The following AHI1 variants were observed in gnomAD, a reference collection of about 807,000 sequenced individuals.
AHI1 encodes Abelson helper integration site 1.
Under a neutral mutation model 149.3 loss-of-function variants are expected in AHI1, and 123 were observed. The observed-to-expected ratio is 0.82, with a 90% CI of 0.71 to 0.96. The LOEUF (loss-of-function observed/expected upper bound fraction) is 0.96. Ranked by LOEUF, AHI1 falls within the 40% of genes least tolerant of loss-of-function variation. The probability of loss-of-function intolerance (pLI) is 0.00; values close to 1 mark genes in which losing one functional copy is unlikely to be tolerated. For missense variants in AHI1, 1,439 were observed against 1,422.7 expected (o/e 1.01, Z -0.18); for synonymous variants, 475 against 459.8 (o/e 1.03, Z -0.42).
At chr6:135,462,528 G>T (rs973756730) in intron 8 of AHI1, among the ~76,000 whole-genome samples, 5 of 150,932 alleles carry the variant, frequency 3.3e-5, no homozygotes, top group African/African-American at 9.9e-5. Context: ...AAACTCAATG[G>T]TTTAAAGAAG....
At chr6:135,488,753 C>A (rs1376446350) in intron 5 of AHI1, among the ~76,000 whole-genome samples, 1 of 152,116 alleles carries the variant, frequency 6.6e-6, no homozygotes, top group African/African-American at 2.4e-5. Flanking sequence ...TGCTCCATTT[C>A]TCATCTCAGC....
intron 23 of AHI1, among the ~76,000 whole-genome samples, chr6:135,392,067 C>T (rs906644797): frequency 6.6e-6 from 1 of 152,160 alleles, no homozygotes; most frequent in African/African-American, 2.4e-5. Flanking sequence ...TTTAGCTCTC[C>T]TATTCCTCTT....
At chr6:135,424,385 G>A (rs1384071210) in intron 20 of AHI1, among the ~76,000 whole-genome samples, 1 of 151,926 alleles carries the variant, frequency 6.6e-6, no homozygotes, top group Non-Finnish European at 1.5e-5. Flanking sequence ...TAGAGACTGA[G>A]GTGAATATTG....
intron 18 of AHI1, among the ~76,000 whole-genome samples, chr6:135,429,297 C>G (rs112317598): frequency 0.031 from 4,704 of 151,720 alleles, 252 homozygotes; most frequent in African/African-American, 0.11. Flanking sequence ...AACACCATTT[C>G]AGCACACACT....
At chr6:135,359,284 T>C (rs1793482872) in intron 23 of AHI1, among the ~76,000 whole-genome samples, 1 of 152,222 alleles carries the variant, frequency 6.6e-6, no homozygotes, top group Non-Finnish European at 1.5e-5. Context: ...TTGACTAATA[T>C]TTTTGAGTGG....
At chr6:135,368,402 GA>G (rs1774507831) in intron 23 of AHI1, among the ~76,000 whole-genome samples, 1 of 152,140 alleles carries the variant, frequency 6.6e-6, no homozygotes, top group South Asian at 2.1e-4. Context: ...GGGTCACCTG[GA>G]TAAGTATTCA....
At chr6:135,453,077 C>G (rs1788382698) in intron 11 of AHI1, among the ~76,000 whole-genome samples, 1 of 152,158 alleles carries the variant, frequency 6.6e-6, no homozygotes, top group African/African-American at 2.4e-5. Flanking sequence ...ATTTTTTGAA[C>G]TGAATAAATA....
At position 135,284,388 on chromosome 6, in the gene AHI1, T is replaced by C. The variant is rs979982983; in HGVS notation, c.*1257A>G. ...TTTCTCACTTCTTATTTTAATGGAA[T>C]TGACTGTCTAATTTGGATAGGTCTT... On this transcript the variant is annotated 3_prime_UTR_variant, in exon 29 of 29. Coordinates refer to ENST00000265602, the MANE Select transcript of AHI1 (RefSeq NM_001134831.2). The C allele has an allele frequency of 1.3e-5, 2 of 152,216 alleles. No individual in the cohort carries two copies. The highest frequency in any genetic ancestry group is 2.9e-5 in the Non-Finnish European group (2 of 68,032). The allele number at this position is 152,216 out of a possible 1,614,324, so 9.4% of individuals were successfully genotyped here.
intron 23 of AHI1, among the ~76,000 whole-genome samples, chr6:135,363,994 T>C (rs1794441085): frequency 7.5e-6 from 1 of 134,078 alleles, no homozygotes; most frequent in Non-Finnish European, 1.6e-5. Flanking sequence ...GCAGAGGGGC[T>C]CCTCACTTCC....
intron 21 of AHI1, among the ~76,000 whole-genome samples, chr6:135,406,442 CT>C (rs1478362745): frequency 6.6e-6 from 1 of 152,120 alleles, no homozygotes; most frequent in Non-Finnish European, 1.5e-5. Context: ...GGTTATGTGG[CT>C]TGATCTCTGT....
chr6:135,476,333 C>T (rs1260843109), intron 5 of AHI1, among the ~76,000 whole-genome samples: 2 of 150,828 alleles, frequency 1.3e-5, no homozygotes, highest in African/African-American at 2.4e-5. Flanking sequence ...TTAAAATTTT[C>T]TTTTACATTT....
intron 25 of AHI1, among the ~76,000 whole-genome samples, chr6:135,320,222 G>GT (rs776421944): frequency 0.012 from 1,771 of 149,874 alleles, 14 homozygotes; most frequent in Non-Finnish European, 0.016. Context: ...ATTTTTCTAA[G>GT]TTTTTTTTTT....
intron 7 of AHI1, among the ~76,000 whole-genome samples, 161 bp from the exon 8 acceptor site, chr6:135,463,467 TTAAGTGTCAA>T (rs1790250753): frequency 6.6e-6 from 1 of 152,160 alleles, no homozygotes; most frequent in Non-Finnish European, 1.5e-5. Flanking sequence ...ACTAAAATGG[TTAAGTGTCAA>T]ATAGGTATCA....
At chr6:135,485,619 T>A (rs1794357896) in intron 5 of AHI1, among the ~76,000 whole-genome samples, 1 of 152,226 alleles carries the variant, frequency 6.6e-6, no homozygotes, top group Non-Finnish European at 1.5e-5. Context: ...CTTTCAGGAC[T>A]TTTGTAGTTT....
chr6:135,410,326 C>G (rs1157390358), intron 21 of AHI1, among the ~76,000 whole-genome samples: 1 of 152,186 alleles, frequency 6.6e-6, no homozygotes, highest in African/African-American at 2.4e-5. Flanking sequence ...GCAATGATCA[C>G]ACCACTGCAT....
Position 135,411,441 on chromosome 6 carries a change from G to C in AHI1, c.2868C>G (p.Pro956=), listed in dbSNP as rs377762039. The change falls in exon 21 of 29, where the codon CCC becomes CCG. Residue 956 remains proline (P), a synonymous_variant. Transcript: ENST00000265602. ...QDALCTCPKL[P]HQGSFQIDEF... is the part of the protein sequence containing the mutation. ...CATCAATCTGAAAAGAGCCTTGATG[G>C]GGTAGTTTTGGACAGGTACATAGGG... is the stretch of plus-strand genomic sequence containing the variant. 6.2e-7 allele frequency: 1 copy of C among 1,613,626 alleles called. No homozygotes were observed. Among genetic ancestry groups the C allele is most frequent in the African/African-American group, 1.3e-5 (1 of 74,890 alleles).
intron 23 of AHI1, among the ~76,000 whole-genome samples, chr6:135,363,902 C>T (rs1794402903): frequency 6.7e-6 from 1 of 149,698 alleles, no homozygotes; most frequent in African/African-American, 2.5e-5. Flanking sequence ...GCTGACCCCC[C>T]CCACCTCCCT....
chr6:135,483,097 A>C (rs1370269360), intron 5 of AHI1, among the ~76,000 whole-genome samples: 1 of 149,820 alleles, frequency 6.7e-6, no homozygotes, highest in African/African-American at 2.5e-5. Context: ...ACAGGGTTTC[A>C]CTATGTTGGC....
At chr6:135,492,563 C>T in intron 3 of AHI1, 2 of 983,106 alleles carry the variant, frequency 2.0e-6, no homozygotes, top group South Asian at 4.7e-5. Context: ...CAGTGCACAT[C>T]TAATGTGGTA....
Sources: allele counts gnomAD v4.1 joint callset (sites outside exome capture counted in the v4.1 genomes callset), GRCh38; gene constraint gnomAD v4.1.1; transcripts MANE v1.5; gene names NCBI Gene and HGNC (gene_info 2026-07-23, HGNC 2026-07-21).